Variants in CWC25 observed in about 807,000 individuals in gnomAD.
The protein encoded by CWC25 is CWC25 spliceosome associated protein, also known as pre-mRNA-splicing factor CWC25 homolog.
CWC25 carries 31 observed loss-of-function variants against 54.6 expected under a neutral mutation model. The observed-to-expected ratio is 0.57, with a 90% CI of 0.43 to 0.77. The LOEUF is 0.77. Among genes scored for constraint, CWC25 ranks in the 30% least tolerant of loss-of-function variants. The pLI is 0.00. For missense variants in CWC25, 453 were observed against 529.3 expected (o/e 0.86, Z 1.41); for synonymous variants, 151 against 187.0 (o/e 0.81, Z 1.57).
intron 1 of CWC25, among the ~76,000 whole-genome samples, chr17:38,823,130 A>G (rs228256): frequency 0.35 from 50,965 of 144,882 alleles, 10,756 homozygotes; most frequent in African/African-American, 0.61. Context: ...GAGCCACCAC[A>G]CCCAGCCTGA....
At chr17:38,807,039 C>T (rs1307467538) in intron 6 of CWC25, 63 bp from the exon 7 acceptor site, 31 of 1,388,286 alleles carry the variant, frequency 2.2e-5, no homozygotes, top group East Asian at 9.4e-5. Context: ...GGAGAAAACG[C>T]GGCCGGGCTC....
At position 38,808,511 on chromosome 17, in the gene CWC25, T is replaced by C. The variant is rs1236003620; in HGVS notation, c.690+1191A>G. On this transcript the variant is annotated intron_variant, in intron 6 of 9. Coordinates refer to ENST00000614790, the MANE Select transcript of CWC25 (RefSeq NM_017748.5). ...TACAGAAATATGAGGCCAGGCATGGTGGCTCACGCCTATAATCCCAGCACT... is the reference window on the plus strand; with the variant it reads ...TACAGAAATATGAGGCCAGGCATGGCGGCTCACGCCTATAATCCCAGCACT... Among the ~76,000 whole-genome samples the C allele has an allele frequency of 4.2e-5, 6 of 141,430 alleles. 2 individuals carry two copies. The highest frequency in any genetic ancestry group is 1.5e-4 in the African/African-American group (6 of 38,970). 92.8% of individuals were successfully genotyped at this position (141,430 alleles called of 152,430 possible). A position where few individuals can be genotyped will look rare whatever the true frequency, so the allele number is the denominator to read the frequency against.
At position 38,806,785 on chromosome 17, in the gene CWC25, C is replaced by T. The variant is rs1324099516; in HGVS notation, c.882G>A (p.Arg294=). ...RRSRSLGRRS[R]SPRPSKLHNS... The stretch of plus-strand genomic sequence containing the variant: ...CTCACAGTTTGCTGGGTCTTGGGGA[C>T]CGTGACCTTCTGCCCAGGGATCGAG... Residue 294 remains arginine (R), a synonymous_variant, in exon 7 of 10, where the codon CGG becomes CGA. Transcript: ENST00000614790. 6 of 1,600,628 alleles carry T rather than the reference C, an allele frequency of 3.7e-6. No homozygotes were observed. The East Asian group carries it at 1.1e-4, about 30-fold the overall frequency.
chr17:38,823,742 T>C (rs1053087675), intron 1 of CWC25, among the ~76,000 whole-genome samples: 1 of 152,120 alleles, frequency 6.6e-6, no homozygotes, highest in Non-Finnish European at 1.5e-5. Flanking sequence ...CCTCTAACCC[T>C]TCCCATCTTG....
At chr17:38,824,388 C>G (rs1912054942) in intron 1 of CWC25, among the ~76,000 whole-genome samples, 2 of 152,042 alleles carry the variant, frequency 1.3e-5, no homozygotes, top group African/African-American at 2.4e-5. Context: ...TCCCTTCAGG[C>G]TTAAAAAGGA....
At chr17:38,812,679 C>T (rs1438325194) in intron 4 of CWC25, 116 bp downstream of exon 4, 2 of 614,018 alleles carry the variant, frequency 3.3e-6, no homozygotes, top group African/African-American at 3.8e-5. Context: ...CTCTAAAAGA[C>T]AAAAGTTTTA....
Position 38,802,175 on chromosome 17 carries a change from A to C in CWC25, c.1195T>G (p.Ser399Ala). 6.2e-7 allele frequency: 1 copy of C among 1,613,886 alleles called. No homozygotes were observed. Among genetic ancestry groups the C allele is most frequent in the Non-Finnish European group, 8.5e-7 (1 of 1,179,788 alleles). Residue 399 changes from serine (S) to alanine (A), a missense_variant, in exon 10 of 10, where the codon TCC (serine) becomes GCC (alanine). Physicochemically the swap from Ser to Ala is moderately conservative, Grantham distance 99. Coordinates refer to ENST00000614790, the MANE Select transcript of CWC25 (RefSeq NM_017748.5). Reference protein sequence around the residue: ...RMKLESASTSSLEDRVKRNIY... With the variant: ...RMKLESASTSALEDRVKRNIY... Reference sequence around the variant, plus strand: ...TTCCGCTTCACCCGATCCTCCAGGGAGGAAGTAGATGCACTCTCCAGCTTC... The same window carrying C: ...TTCCGCTTCACCCGATCCTCCAGGGCGGAAGTAGATGCACTCTCCAGCTTC...
chr17:38,825,049 C>G, intron 1 of CWC25, 117 bp downstream of exon 1: 1 of 974,708 alleles, frequency 1.0e-6, no homozygotes, highest in Non-Finnish European at 1.5e-6. Flanking sequence ...CAACGGCCTC[C>G]TCCCGGCGAA....
chr17:38,808,166 C>CCT (rs1911332544), intron 6 of CWC25, among the ~76,000 whole-genome samples: 1 of 138,652 alleles, frequency 7.2e-6, no homozygotes. Flanking sequence ...GGGCAGATCA[C>CCT]AAGGTCGGGA....
Position 38,806,978 on chromosome 17 carries a change from T to C in CWC25, c.691-2A>G. 1 of 1,604,072 alleles carries C rather than the reference T, an allele frequency of 6.2e-7. No individual in the cohort carries two copies. Among genetic ancestry groups the C allele is most frequent in the Non-Finnish European group, 8.5e-7 (1 of 1,175,864 alleles). ...CTGGTTACGGTCAGAGTTCCGGACCTACATCATTAAGGAAAAGAGAAGTTA... is the reference window on the plus strand; with the variant it reads ...CTGGTTACGGTCAGAGTTCCGGACCCACATCATTAAGGAAAAGAGAAGTTA... On this transcript the variant is annotated splice_acceptor_variant, in intron 6 of 9. Coordinates refer to ENST00000614790, the MANE Select transcript of CWC25 (RefSeq NM_017748.5). LOFTEE classifies it high-confidence loss of function.
chr17:38,807,183 C>T lies in CWC25; in HGVS notation c.691-207G>A, dbSNP rs550250937. Among the ~76,000 whole-genome samples, 221 of 151,414 alleles carry T rather than the reference C, an allele frequency of 1.5e-3. 1 individual carries two copies. Among genetic ancestry groups the T allele is most frequent in the Non-Finnish European group, 2.7e-3 (185 of 67,840 alleles). ...ACTGAAAATTAAAAAATTAGCTGGGCGTGGTGGTGGGCACCTGTAATCCCA... is the reference window on the plus strand; with the variant it reads ...ACTGAAAATTAAAAAATTAGCTGGGTGTGGTGGTGGGCACCTGTAATCCCA... On this transcript the variant is annotated intron_variant, in intron 6 of 9. Coordinates refer to ENST00000614790, the MANE Select transcript of CWC25 (RefSeq NM_017748.5).
chr17:38,820,889 C>A lies in CWC25; in HGVS notation c.191+12G>T. On this transcript the variant is annotated intron_variant, in intron 2 of 9. Coordinates refer to ENST00000614790, the MANE Select transcript of CWC25 (RefSeq NM_017748.5). Reference sequence around the variant, plus strand: ...TCCCTACACACAAGCGCACCCCCAGCTCCTCACTTACTTGACGGCCCCAAC... The same window carrying A: ...TCCCTACACACAAGCGCACCCCCAGATCCTCACTTACTTGACGGCCCCAAC... 6.2e-7 allele frequency: 1 copy of A among 1,606,984 alleles called. No homozygotes were observed. The highest frequency in any genetic ancestry group is 8.5e-7 in the Non-Finnish European group (1 of 1,176,418).
chr17:38,823,968 C>T (rs1912033480), intron 1 of CWC25, among the ~76,000 whole-genome samples: 1 of 152,178 alleles, frequency 6.6e-6, no homozygotes, highest in African/African-American at 2.4e-5. Flanking sequence ...GCCAAACTGT[C>T]AAGAGCGCTA....
rs1398012656 is a variant in CWC25, at chr17:38,809,953, T to C, written c.627-188A>G. 5 of 568,268 alleles carry C rather than the reference T, an allele frequency of 8.8e-6. No homozygotes were observed. In the East Asian group the frequency reaches 1.2e-4, roughly 14 times the overall value. The allele number at this position is 568,268 out of a possible 1,614,324, so 35.2% of individuals were successfully genotyped here. A position where few individuals can be genotyped will look rare whatever the true frequency, so the allele number is the denominator to read the frequency against. Reference sequence around the variant, plus strand: ...ATGCATCAGCACAATCAAATTTTCCTGTGAAAAACTGTGGGCCTCGCTTCT... The same window carrying C: ...ATGCATCAGCACAATCAAATTTTCCCGTGAAAAACTGTGGGCCTCGCTTCT... On this transcript the variant is annotated intron_variant, in intron 5 of 9. Transcript: ENST00000614790.
intron 7 of CWC25, 102 bp from the exon 8 acceptor site, chr17:38,806,497 A>G (rs1911247946): frequency 9.5e-7 from 1 of 1,048,934 alleles, no homozygotes; most frequent in African/African-American, 1.6e-5. Flanking sequence ...TCTTAGAGGT[A>G]TAATCTAAGT....
intron 6 of CWC25, among the ~76,000 whole-genome samples, chr17:38,807,711 A>T (rs1435208664): frequency 1.5e-5 from 2 of 133,646 alleles, no homozygotes; most frequent in African/African-American, 5.5e-5. Flanking sequence ...AGCCAGGATC[A>T]CACCACTGCA....
At chr17:38,808,901 G>A (rs564772815) in intron 6 of CWC25, among the ~76,000 whole-genome samples, 6 of 148,570 alleles carry the variant, frequency 4.0e-5, no homozygotes, top group Admixed American at 6.8e-5. Flanking sequence ...AGCTGAGATC[G>A]CGCCATTGCA....
At chr17:38,824,900 T>C (rs888145089) in intron 1 of CWC25, among the ~76,000 whole-genome samples, 2 of 152,068 alleles carry the variant, frequency 1.3e-5, no homozygotes. Flanking sequence ...CTCCCCGGTC[T>C]TCCCAGAATT....
At chr17:38,809,920 G>A (rs1911414903) in intron 5 of CWC25, 155 bp from the exon 6 acceptor site, 1 of 631,380 alleles carries the variant, frequency 1.6e-6, no homozygotes, top group Admixed American at 3.1e-5. Context: ...GACTGTCTAT[G>A]CCGAAAAATG....
Sources: gnomAD v4.1 joint callset for allele counts (sites outside exome capture counted in the v4.1 genomes callset) on GRCh38, gnomAD v4.1.1 for gene constraint, MANE v1.5 for transcripts, NCBI Gene and HGNC (gene_info 2026-07-23, HGNC 2026-07-21) for gene names.